The following IQSEC1 variants were observed in gnomAD, a reference collection of about 807,000 sequenced individuals.
IQSEC1 encodes the protein IQ motif and Sec7 domain ArfGEF 1, also known as IQ motif and SEC7 domain-containing protein 1.
In IQSEC1, 31 loss-of-function variants were observed where a neutral mutation model predicts 91.0. The ratio of observed to expected loss-of-function variants is 0.34; its 90% CI spans 0.26 to 0.46. IQSEC1 has a LOEUF of 0.46. Among genes scored for constraint, IQSEC1 ranks in the 20% least tolerant of loss-of-function variants. IQSEC1 has a pLI of 1.00. For missense variants in IQSEC1, 1,388 were observed against 1,575.6 expected (o/e 0.88, Z 2.02); for synonymous variants, 699 against 662.6 (o/e 1.05, Z -0.84).
In IQSEC1 at chr3:12,936,688, G is replaced by T; in HGVS notation, c.328C>A (p.Leu110Ile). 2 of 1,577,162 alleles carry T rather than the reference G, an allele frequency of 1.3e-6. No individual in the cohort carries two copies. Among genetic ancestry groups the T allele is most frequent in the Non-Finnish European group, 1.7e-6 (2 of 1,160,466 alleles). ...SDLQDKQVEM[L>I]ERKYGGRLVT... is the part of the protein sequence containing the mutation. ...AGGCGCCCCCCATACTTTCGTTCTA[G>T]CATCTCCACCTGCGGGTGGGAGAGG... is the stretch of plus-strand genomic sequence containing the variant. The change falls in exon 3 of 14, where the codon CTA (leucine) becomes ATA (isoleucine). Residue 110 changes from leucine (L) to isoleucine (I), a missense_variant. Around this residue, in one of 2 missense-constraint regions of IQSEC1, gnomAD observed 1,059 missense variants for 1,317.8 expected, o/e 0.80. Coordinates refer to ENST00000613206, the MANE Select transcript of IQSEC1 (RefSeq NM_001134382.3).
upstream of IQSEC1, among the ~76,000 whole-genome samples, chr3:13,073,469 GCGCCCAAGGAGCAA>G (rs1705503018): frequency 2.0e-5 from 3 of 152,060 alleles, no homozygotes; most frequent in South Asian, 6.2e-4. Flanking sequence ...CCCACCCCCC[GCGCCCAAGGAGCAA>G]CGTAGTGCGG....
chr3:13,126,478 G>A (rs1002123021), intron 2 of IQSEC1, among the ~76,000 whole-genome samples: 11 of 152,224 alleles, frequency 7.2e-5, no homozygotes, highest in African/African-American at 2.4e-4. Context: ...ACACTGCTAA[G>A]TATGTTTGTG....
chr3:12,935,639 G>A lies in IQSEC1; in HGVS notation c.1377C>T (p.Ile459=), dbSNP rs774930396. The change falls in exon 3 of 14, where the codon ATC becomes ATT. Residue 459 remains isoleucine, a synonymous_variant. Transcript: ENST00000613206. This position sits in a 1 kb window ranked among gnomAD's most constrained non-coding sequence, Gnocchi z 8.0. ...TATCGTTGGAGTTGGACGTGCTGTT[G>A]ATGCTGTCATTGTCACCGTCTGAGT... The part of the protein sequence containing the change: ...SDYSDGDNDS[I]NSTSNSNDTI... The A allele has an allele frequency of 1.2e-6, 2 of 1,614,140 alleles. No individual in the cohort carries two copies. The highest frequency in any genetic ancestry group is 1.7e-6 in the Non-Finnish European group (2 of 1,180,044).
chr3:13,069,105 G>A (rs751532368), intron 1 of IQSEC1, among the ~76,000 whole-genome samples: 3 of 152,262 alleles, frequency 2.0e-5, no homozygotes, highest in Non-Finnish European at 4.4e-5. Context: ...AGGGTGGATA[G>A]ATGCTACAGC....
chr3:12,958,066 C>T (rs547922822), intron 1 of IQSEC1, among the ~76,000 whole-genome samples: 2 of 152,174 alleles, frequency 1.3e-5, no homozygotes, highest in South Asian at 2.1e-4. Context: ...GCTGAGGCCC[C>T]GGGACACCTC....
At chr3:13,161,592 A>T (rs1178459454) in intron 2 of IQSEC1, among the ~76,000 whole-genome samples, 1 of 152,152 alleles carries the variant, frequency 6.6e-6, no homozygotes, top group Non-Finnish European at 1.5e-5. Context: ...CGTCAGCTGC[A>T]TGGGAAGAAA....
intron 1 of IQSEC1, among the ~76,000 whole-genome samples, chr3:13,240,535 C>T (rs1695003611): frequency 6.6e-6 from 1 of 152,122 alleles, no homozygotes; most frequent in South Asian, 2.1e-4. Flanking sequence ...TGATGAATGG[C>T]AAGGGAGCCT....
chr3:12,973,352 T>C (rs774736905), intron 1 of IQSEC1, among the ~76,000 whole-genome samples: 5 of 152,224 alleles, frequency 3.3e-5, no homozygotes, highest in Admixed American at 1.3e-4. Flanking sequence ...CAATCTCTTA[T>C]TCAACCTTCA....
rs1695226639 is a variant in IQSEC1, at chr3:12,908,485, C to T, written c.2619G>A (p.Met873Ile). ...EKQKGVVRPS[M>I]SQCSSLKKES... ...CCTTTTTGAGGCTAGAGCACTGGGA[C>T]ATGCTGGGCCGCACGACGCCTTTCT... The change falls in exon 12 of 14, where the codon ATG becomes ATA. Residue 873 changes from methionine (M) to isoleucine (I), a missense_variant. By Grantham distance (10) the Met-to-Ile change is conservative. Coordinates refer to ENST00000613206, the MANE Select transcript of IQSEC1 (RefSeq NM_001134382.3). The surrounding 1 kb of genome is among the most constrained non-coding windows in gnomAD (Gnocchi z 4.9). 2.5e-6 allele frequency: 4 copies of T among 1,613,582 alleles called. No homozygotes were observed. Among genetic ancestry groups the T allele is most frequent in the East Asian group, 2.2e-5 (1 of 44,870 alleles).
intron 1 of IQSEC1, among the ~76,000 whole-genome samples, chr3:13,164,455 C>T (rs1693437064): frequency 6.6e-6 from 1 of 152,144 alleles, no homozygotes; most frequent in Non-Finnish European, 1.5e-5. Context: ...GAGGAGGGGT[C>T]TATGGTTCCA....
chr3:13,144,410 C>A (rs11717674), intron 2 of IQSEC1, among the ~76,000 whole-genome samples: 47 of 152,102 alleles, frequency 3.1e-4, no homozygotes, highest in Non-Finnish European at 5.9e-4. Flanking sequence ...AGGGAGAGTG[C>A]GGCTTGAGTC....
intron 2 of IQSEC1, among the ~76,000 whole-genome samples, chr3:13,120,993 C>A (rs1168843871): frequency 6.6e-6 from 1 of 152,226 alleles, no homozygotes; most frequent in Non-Finnish European, 1.5e-5. Flanking sequence ...TAAATGTCAC[C>A]TCCTGACTAT....
At chr3:13,224,505 T>A (rs1694718637) in intron 1 of IQSEC1, among the ~76,000 whole-genome samples, 1 of 152,076 alleles carries the variant, frequency 6.6e-6, no homozygotes, top group Non-Finnish European at 1.5e-5. Context: ...CCTTGTGACA[T>A]CCTCTCAGCC....
chr3:13,139,813 G>T (rs1213792130), intron 2 of IQSEC1, among the ~76,000 whole-genome samples: 1 of 152,152 alleles, frequency 6.6e-6, no homozygotes, highest in Non-Finnish European at 1.5e-5. Flanking sequence ...TGCCTACAAT[G>T]CACCTGGGGC....
At chr3:12,907,503 C>T (rs1212066002) in intron 12 of IQSEC1, among the ~76,000 whole-genome samples, 1 of 152,212 alleles carries the variant, frequency 6.6e-6, no homozygotes, top group Non-Finnish European at 1.5e-5. Flanking sequence ...GACTGGTGGA[C>T]AGACTGTTCG....
chr3:13,159,708 C>G (rs1460766069), intron 2 of IQSEC1, among the ~76,000 whole-genome samples: 3 of 152,092 alleles, frequency 2.0e-5, no homozygotes, highest in Admixed American at 2.0e-4. Flanking sequence ...AGACCCCCAC[C>G]CACAGTGAGA....
chr3:13,180,416 T>G (rs1222008910), intron 1 of IQSEC1, among the ~76,000 whole-genome samples: 1 of 152,034 alleles, frequency 6.6e-6, no homozygotes, highest in African/African-American at 2.4e-5. Flanking sequence ...TGGAGAACCT[T>G]TATGTCTAGC....
intron 1 of IQSEC1, among the ~76,000 whole-genome samples, chr3:13,279,139 C>T (rs75860232): frequency 0.012 from 1,863 of 152,296 alleles, 33 homozygotes; most frequent in African/African-American, 0.042. Flanking sequence ...CCCAGCTGGG[C>T]CTGCTGAAGT....
chr3:13,171,116 C>CAAAA, intron 1 of IQSEC1, among the ~76,000 whole-genome samples: 1 of 151,294 alleles, frequency 6.6e-6, no homozygotes, highest in African/African-American at 2.4e-5. Context: ...ACAAAAAAAA[C>CAAAA]AAAAAAAGAA....
Sources: allele counts gnomAD v4.1 joint callset (sites outside exome capture counted in the v4.1 genomes callset), GRCh38; gene constraint gnomAD v4.1.1; regional missense constraint gnomAD v4.1.1; non-coding constraint Gnocchi (gnomAD v3.1); transcripts MANE v1.5; gene names NCBI Gene and HGNC (gene_info 2026-07-23, HGNC 2026-07-21).